KLHL5: variants seen among roughly 807,000 people sequenced by gnomAD.
KLHL5 encodes the protein kelch like family member 5, also known as kelch-like protein 5.
A neutral mutation model predicts 77.7 loss-of-function variants in KLHL5; 48 were observed. That is an observed-to-expected ratio of 0.62 (90% CI 0.49 to 0.79). The LOEUF (loss-of-function observed/expected upper bound fraction) is 0.79. Ranked by LOEUF, KLHL5 falls within the 30% of genes least tolerant of loss-of-function variation. The pLI is 0.00. For synonymous variants in KLHL5, 260 were observed against 297.0 expected, an observed-to-expected ratio of 0.88 and a Z score of 1.28; for missense variants, 723 against 859.7, an observed-to-expected ratio of 0.84 and a Z score of 1.99.
Position 39,069,461 on chromosome 4 carries a change from TATATATATATATAC to T in KLHL5, c.383+6428_383+6441del, listed in dbSNP as rs1209250384. ...ATATATATATATATATATATATATA[TATATATATATATAC>T]ACACACACACACACACACACACACA... On this transcript the variant is annotated intron_variant, in intron 1 of 10. Coordinates refer to ENST00000504108, the MANE Select transcript of KLHL5 (RefSeq NM_015990.5). Among the ~76,000 whole-genome samples the T allele has an allele frequency of 9.5e-3, 495 of 52,162 alleles. 5 individuals carry two copies. The highest frequency in any genetic ancestry group is 0.023 in the African/African-American group (373 of 15,940). 34.2% of individuals were successfully genotyped at this position (52,162 alleles called of 152,430 possible). A position where few individuals can be genotyped will look rare whatever the true frequency, so the allele number is the denominator to read the frequency against.
In KLHL5 at chr4:39,098,768, G is replaced by A. The variant is rs181153452; in HGVS notation, c.1300+1890G>A. Among the ~76,000 whole-genome samples, 292 of 151,906 alleles carry A rather than the reference G, an allele frequency of 1.9e-3. 2 individuals carry two copies. The highest frequency in any genetic ancestry group is 5.9e-3 in the African/African-American group (245 of 41,426). On this transcript the variant is annotated intron_variant, in intron 6 of 10. Transcript: ENST00000504108. ...TTTAGTAGAGATGGGGTTTCACCAC[G>A]TCAGCCAGGATGGTCTTGATCTCCT...
intron 1 of KLHL5, among the ~76,000 whole-genome samples, chr4:39,068,437 CTGTGTGTGTG>C (rs71192818): frequency 1.4e-5 from 2 of 147,860 alleles, no homozygotes; most frequent in Non-Finnish European, 3.0e-5. Context: ...CCAGAAAACA[CTGTGTGTGTG>C]TGTGTGTGTG....
intron 10 of KLHL5, among the ~76,000 whole-genome samples, chr4:39,116,744 C>A (rs1021315963): frequency 8.5e-5 from 13 of 152,076 alleles, no homozygotes; most frequent in Non-Finnish European, 1.2e-4. Context: ...ATCTGTGAGA[C>A]CAAAGTGGGA....
intron 8 of KLHL5, among the ~76,000 whole-genome samples, 180 bp downstream of exon 8, chr4:39,107,911 ATTTTAATGTGCAGAT>A (rs1722170635): frequency 2.0e-5 from 3 of 152,082 alleles, no homozygotes; most frequent in South Asian, 2.1e-4. Context: ...CTAGGCTTTC[ATTTTAATGTGCAGAT>A]ACTATACATT....
downstream of KLHL5, among the ~76,000 whole-genome samples, chr4:39,127,603 A>G (rs1050510716): frequency 6.6e-6 from 1 of 151,764 alleles, no homozygotes; most frequent in African/African-American, 2.4e-5. Flanking sequence ...ACAGGCATGC[A>G]CCACCATGTT....
At chr4:39,098,667 C>G (rs1421321858) in intron 6 of KLHL5, among the ~76,000 whole-genome samples, 4 of 148,802 alleles carry the variant, frequency 2.7e-5, no homozygotes, top group Admixed American at 2.0e-4. Context: ...GGGTTCACAC[C>G]ATTCTCCTGC....
intron 1 of KLHL5, among the ~76,000 whole-genome samples, chr4:39,053,657 T>C (rs1278228482): frequency 6.6e-6 from 1 of 152,174 alleles, no homozygotes; most frequent in Non-Finnish European, 1.5e-5. Context: ...AAGGGAACCT[T>C]GTGTTTTACC....
At chr4:39,115,077 A>C in intron 9 of KLHL5, 82 bp from the exon 10 acceptor site, 2 of 1,219,090 alleles carry the variant, frequency 1.6e-6, no homozygotes, top group South Asian at 2.7e-5. Flanking sequence ...AATGAGTCAG[A>C]AGATAGACTT....
intron 1 of KLHL5, among the ~76,000 whole-genome samples, chr4:39,068,714 T>A (rs899438280): frequency 6.6e-6 from 1 of 152,190 alleles, no homozygotes; most frequent in African/African-American, 2.4e-5. Context: ...AGAAAACCTG[T>A]CTTTATGCCA....
chr4:39,101,665 C>T (rs1402155373), intron 6 of KLHL5, among the ~76,000 whole-genome samples: 1 of 151,542 alleles, frequency 6.6e-6, no homozygotes, highest in Non-Finnish European at 1.5e-5. Flanking sequence ...CTGGCCAATA[C>T]AGCAAAACCC....
intron 9 of KLHL5, among the ~76,000 whole-genome samples, chr4:39,114,188 C>T (rs775067509): frequency 1.3e-5 from 2 of 152,142 alleles, no homozygotes; most frequent in Non-Finnish European, 2.9e-5. Flanking sequence ...TTATTTAGCC[C>T]ACAGTTCTCC....
the KLHL5 span, among the ~76,000 whole-genome samples, chr4:39,132,995 G>A: frequency 2.0e-4 from 30 of 152,190 alleles, no homozygotes; most frequent in Admixed American, 3.3e-4. Context: ...TAGTCTAGTC[G>A]CAGGAATCAA....
Position 39,121,186 on chromosome 4 carries a change from C to CCA in KLHL5, c.*120_*121insCA. On this transcript the variant is annotated 3_prime_UTR_variant, in exon 11 of 11. Coordinates refer to ENST00000504108, the MANE Select transcript of KLHL5 (RefSeq NM_015990.5). ...TGTCACAATCCTGGGCACAAAGTGCCTGATGTCAAAATGAAGATAGTAAAA... is the reference window on the plus strand; with the variant it reads ...TGTCACAATCCTGGGCACAAAGTGCCCATGATGTCAAAATGAAGATAGTAAAA... 1 of 771,152 alleles carries CCA rather than the reference C, an allele frequency of 1.3e-6. No individual in the cohort carries two copies. The highest frequency in any genetic ancestry group is 2.2e-6 in the Non-Finnish European group (1 of 456,586). 47.8% of individuals were successfully genotyped at this position (771,152 alleles called of 1,614,324 possible). A position where few individuals can be genotyped will look rare whatever the true frequency, so the allele number is the denominator to read the frequency against.
At chr4:39,130,301 A>G (rs1319827952), downstream of KLHL5, among the ~76,000 whole-genome samples, 1 of 152,328 alleles carries the variant, frequency 6.6e-6, no homozygotes, top group East Asian at 1.9e-4. Flanking sequence ...AGGTTGGGCT[A>G]GTTAACTGCA....
At chr4:39,127,817 A>T (rs1291248088), downstream of KLHL5, among the ~76,000 whole-genome samples, 1 of 152,124 alleles carries the variant, frequency 6.6e-6, no homozygotes, top group East Asian at 1.9e-4. Flanking sequence ...AGCTGGAGTG[A>T]TGAGGTTAGG....
intron 1 of KLHL5, among the ~76,000 whole-genome samples, chr4:39,051,878 G>T (rs544336118): frequency 6.6e-6 from 1 of 152,240 alleles, no homozygotes; most frequent in East Asian, 1.9e-4. Flanking sequence ...TTCATTTATA[G>T]TTCTTGAGTC....
intron 8 of KLHL5, among the ~76,000 whole-genome samples, chr4:39,109,574 C>T (rs568814843): frequency 8.1e-4 from 122 of 150,424 alleles, no homozygotes; most frequent in Middle Eastern, 3.6e-3. Flanking sequence ...GCTGGGATTA[C>T]AGGCATGAGC....
chr4:39,073,425 T>C (rs951342138), intron 1 of KLHL5, among the ~76,000 whole-genome samples: 1 of 152,194 alleles, frequency 6.6e-6, no homozygotes, highest in Admixed American at 6.5e-5. Flanking sequence ...TCATCACTTG[T>C]AGTTTGATAT....
At position 39,096,712 on chromosome 4, in the gene KLHL5, T is replaced by A. The variant is rs1361174592; in HGVS notation, c.1134T>A (p.Asn378Lys). Residue 378 changes from asparagine (N) to lysine (K), a missense_variant, in exon 6 of 11, where the codon AAT becomes AAA. Around this residue, in one of 3 missense-constraint regions of KLHL5, gnomAD observed 288 missense variants for 400.3 expected, o/e 0.72. Coordinates refer to ENST00000504108, the MANE Select transcript of KLHL5 (RefSeq NM_015990.5). ...TCTAGTTCCTGGCAGACATGGAAAA[T>A]AATGTACTTTTTCGGGATGATATAG... ...LAPQFLADMENNVLFRDDIEC... is the reference protein window; with the variant it reads ...LAPQFLADMEKNVLFRDDIEC... 1.2e-6 allele frequency: 2 copies of A among 1,612,126 alleles called. No homozygotes were observed. Among genetic ancestry groups the A allele is most frequent in the Admixed American group, 3.3e-5 (2 of 59,954 alleles).
Sources: gnomAD v4.1 joint callset for allele counts (sites outside exome capture counted in the v4.1 genomes callset) on GRCh38, gnomAD v4.1.1 for gene constraint, gnomAD v4.1.1 regional missense constraint, MANE v1.5 for transcripts, NCBI Gene and HGNC (gene_info 2026-07-23, HGNC 2026-07-21) for gene names.